COL5A2: variants seen among roughly 807,000 people sequenced by gnomAD.
COL5A2 encodes collagen type V alpha 2 chain, also known as collagen alpha-2(V) chain.
Under a neutral mutation model 208.2 loss-of-function variants are expected in COL5A2, and 23 were observed. That is an observed-to-expected ratio of 0.11 (90% CI 0.08 to 0.16). COL5A2 has a LOEUF of 0.16. Among genes scored for constraint, COL5A2 ranks in the 10% least tolerant of loss-of-function variants. The pLI is 1.00. For missense variants in COL5A2, 1,590 were observed against 1,956.4 expected (o/e 0.81, Z 3.53); for synonymous variants, 625 against 628.5 (o/e 0.99, Z 0.08).
chr2:189,130,511 G>GTGTT (rs1254071638), intron 1 of COL5A2, among the ~76,000 whole-genome samples: 3 of 152,102 alleles, frequency 2.0e-5, no homozygotes, highest in African/African-American at 7.2e-5. Flanking sequence ...GGGTATCTAT[G>GTGTT]TGTTGTTCAT....
chr2:189,428,645 C>T, the COL5A2 span, among the ~76,000 whole-genome samples: 1 of 151,632 alleles, frequency 6.6e-6, no homozygotes, highest in Non-Finnish European at 1.5e-5. Flanking sequence ...GTATGAAGCA[C>T]TTCCCCATCT....
intron 18 of COL5A2, among the ~76,000 whole-genome samples, chr2:189,071,436 G>T (rs1166448625): frequency 6.6e-6 from 1 of 152,112 alleles, no homozygotes; most frequent in Non-Finnish European, 1.5e-5. Flanking sequence ...TTATCCCAAA[G>T]TACTGAGAGA....
In COL5A2 at chr2:189,032,306, C is replaced by G. The variant is rs554165132; in HGVS notation, c.*1764G>C. The G allele has an allele frequency of 3.3e-5, 5 of 152,032 alleles. No homozygotes were observed. Among genetic ancestry groups the G allele is most frequent in the Non-Finnish European group, 7.4e-5 (5 of 67,982 alleles). The allele number at this position is 152,032 out of a possible 1,614,324, so 9.4% of individuals were successfully genotyped here. On this transcript the variant is annotated 3_prime_UTR_variant, in exon 54 of 54. Coordinates refer to ENST00000374866, the MANE Select transcript of COL5A2 (RefSeq NM_000393.5). Reference sequence around the variant, plus strand: ...AATACTACTCTGACATTTTTAAGGGCAGAGGCAGTGATAATTGGTGTCATG... The same window carrying G: ...AATACTACTCTGACATTTTTAAGGGGAGAGGCAGTGATAATTGGTGTCATG...
chr2:189,066,713 A>C lies in COL5A2; in HGVS notation c.1455+16T>G. The C allele has an allele frequency of 6.2e-7, 1 of 1,607,106 alleles. No homozygotes were observed. On this transcript the variant is annotated intron_variant, in intron 22 of 53. Coordinates refer to ENST00000374866, the MANE Select transcript of COL5A2 (RefSeq NM_000393.5). ...AATACTATGTTCTACTTATCATTAA[A>C]ACAATGAAACCTTACTGGTTCCCCT...
chr2:189,093,447 G>A (rs574281593), intron 6 of COL5A2, among the ~76,000 whole-genome samples: 6 of 152,298 alleles, frequency 3.9e-5, no homozygotes, highest in Admixed American at 2.6e-4. Context: ...TCAAATAGGA[G>A]CTGATAGTGC....
At chr2:189,312,946 T>C in the COL5A2 span, among the ~76,000 whole-genome samples, 2 of 150,802 alleles carry the variant, frequency 1.3e-5, no homozygotes, top group South Asian at 2.1e-4. Context: ...ATGAGAAAGA[T>C]TCAGCACAAG....
chr2:189,175,026 A>G (rs1348441778), intron 1 of COL5A2, among the ~76,000 whole-genome samples: 4 of 152,192 alleles, frequency 2.6e-5, no homozygotes, highest in Non-Finnish European at 5.9e-5. Flanking sequence ...TCACACAACT[A>G]TATTTTGTCC....
the COL5A2 span, among the ~76,000 whole-genome samples, chr2:189,300,725 T>G: frequency 6.6e-6 from 1 of 152,240 alleles, no homozygotes; most frequent in African/African-American, 2.4e-5. Flanking sequence ...GCATCCATAC[T>G]GCAATAGGCA....
At chr2:189,352,858 T>C in the COL5A2 span, among the ~76,000 whole-genome samples, 5,543 of 152,300 alleles carry the variant, frequency 0.036, 117 homozygotes, top group Admixed American at 0.05. Context: ...CATGAAGTCT[T>C]TGCCCACGGC....
chr2:189,036,902 C>G (rs1011800293), intron 51 of COL5A2, 99 bp from the exon 52 acceptor site: 2 of 962,246 alleles, frequency 2.1e-6, no homozygotes, highest in Non-Finnish European at 3.2e-6. Context: ...TATACACTCA[C>G]TGATTAAGGA....
the COL5A2 span, among the ~76,000 whole-genome samples, chr2:189,403,877 C>T: frequency 1.3e-5 from 2 of 152,138 alleles, 1 homozygote; most frequent in South Asian, 4.1e-4. Flanking sequence ...GGATTACAGG[C>T]ACGTGCCACC....
rs933438349 is a variant in COL5A2 at position 189,034,250 on chromosome 2, A to G, written c.4354-34T>C. The G allele has an allele frequency of 4.3e-6, 7 of 1,612,934 alleles. No individual in the cohort carries two copies. The African/African-American group carries it at 5.3e-5, about 12-fold the overall frequency. On this transcript the variant is annotated intron_variant, in intron 53 of 53. Transcript: ENST00000374866. Reference sequence around the variant, plus strand: ...AAATGATGCAATGGGTTAAATGTACATACAATTTTTTCCAAGTATGTTAGA... The same window carrying G: ...AAATGATGCAATGGGTTAAATGTACGTACAATTTTTTCCAAGTATGTTAGA...
chr2:189,253,184 T>C, the COL5A2 span, among the ~76,000 whole-genome samples: 54 of 152,326 alleles, frequency 3.5e-4, 1 homozygote, highest in Admixed American at 1.8e-3. Flanking sequence ...AAGGACCTTA[T>C]TCCTAGGAAA....
At chr2:189,327,892 T>C in the COL5A2 span, among the ~76,000 whole-genome samples, 1 of 152,218 alleles carries the variant, frequency 6.6e-6, no homozygotes, top group South Asian at 2.1e-4. Flanking sequence ...TATCACAGCA[T>C]GAAATATGTT....
the COL5A2 span, among the ~76,000 whole-genome samples, chr2:189,393,046 T>C: frequency 5.3e-5 from 8 of 152,202 alleles, no homozygotes; most frequent in African/African-American, 1.7e-4. Flanking sequence ...AAAACTTTAC[T>C]GTAGGAACAA....
chr2:189,378,076 G>A, the COL5A2 span, among the ~76,000 whole-genome samples: 1 of 151,922 alleles, frequency 6.6e-6, no homozygotes, highest in African/African-American at 2.4e-5. Context: ...TCTTTTGTTG[G>A]GATTCTCTCT....
chr2:189,192,474 A>G (rs1055551642), intron 1 of COL5A2, among the ~76,000 whole-genome samples: 1 of 152,184 alleles, frequency 6.6e-6, no homozygotes, highest in Non-Finnish European at 1.5e-5. Context: ...CCTTATTTGC[A>G]TAATGAAATG....
chr2:189,389,621 T>C, the COL5A2 span, among the ~76,000 whole-genome samples: 1 of 152,188 alleles, frequency 6.6e-6, no homozygotes, highest in African/African-American at 2.4e-5. Flanking sequence ...CTTTCAACCA[T>C]ATGTATAATC....
At chr2:189,367,430 G>T in the COL5A2 span, among the ~76,000 whole-genome samples, 19 of 152,112 alleles carry the variant, frequency 1.2e-4, no homozygotes, top group African/African-American at 4.6e-4. Context: ...TTTATTGAAC[G>T]TAATTACTAC....
Sources: allele counts gnomAD v4.1 joint callset (sites outside exome capture counted in the v4.1 genomes callset), GRCh38; gene constraint gnomAD v4.1.1; transcripts MANE v1.5; gene names NCBI Gene and HGNC (gene_info 2026-07-23, HGNC 2026-07-21).